KDM5A: variants seen among roughly 807,000 people sequenced by gnomAD.
KDM5A encodes the protein lysine demethylase 5A.
KDM5A carries 42 observed loss-of-function variants against 193.5 expected under a neutral mutation model. The observed-to-expected ratio is 0.22, with a 90% CI of 0.17 to 0.28. The LOEUF (loss-of-function observed/expected upper bound fraction) is 0.28, where lower values mean the gene tolerates loss of function less well. Among genes scored for constraint, KDM5A ranks in the 10% least tolerant of loss-of-function variants. KDM5A has a pLI of 1.00. For missense variants in KDM5A, 1,692 were observed against 2,055.1 expected (o/e 0.82, Z 3.42); for synonymous variants, 796 against 718.1 (o/e 1.11, Z -1.73).
intron 14 of KDM5A, among the ~76,000 whole-genome samples, chr12:325,886 C>T (rs1169055476): frequency 6.6e-6 from 1 of 152,080 alleles, no homozygotes; most frequent in African/African-American, 2.4e-5. Flanking sequence ...AGGTGGTGAA[C>T]GCCTGTAATC....
intron 3 of KDM5A, among the ~76,000 whole-genome samples, chr12:383,625 G>A (rs1944603242): frequency 6.6e-6 from 1 of 152,066 alleles, no homozygotes; most frequent in African/African-American, 2.4e-5. Context: ...TTTGCATATT[G>A]TATATCACAG....
At chr12:365,792 A>G (rs1944349716) in intron 4 of KDM5A, 142 bp downstream of exon 4, 1 of 673,606 alleles carries the variant, frequency 1.5e-6, no homozygotes, top group African/African-American at 1.8e-5. Flanking sequence ...ACCATCAAAA[A>G]CAGCTATGAT....
In KDM5A at chr12:381,257, G is replaced by C. The variant is rs550671602; in HGVS notation, c.366+2774C>G. ...GATCCTCCTGCCTCAGCCTCCCAAA[G>C]TGCTGGGATTACAGGCATGAGCCAC... On this transcript the variant is annotated intron_variant, in intron 3 of 27. Coordinates refer to ENST00000399788, the MANE Select transcript of KDM5A (RefSeq NM_001042603.3). 2.0e-5 allele frequency among the ~76,000 whole-genome samples: 3 copies of C among 151,920 alleles called. No individual in the cohort carries two copies. In the South Asian group the frequency reaches 6.2e-4, roughly 32 times the overall value.
intron 7 of KDM5A, among the ~76,000 whole-genome samples, chr12:354,595 G>A (rs1230815318): frequency 1.3e-5 from 2 of 151,934 alleles, no homozygotes; most frequent in African/African-American, 4.8e-5. Flanking sequence ...GTGAAACCCC[G>A]TCTCTACTAA....
At chr12:323,912 C>A in intron 14 of KDM5A, 131 bp from the exon 15 acceptor site, 1 of 748,270 alleles carries the variant, frequency 1.3e-6, no homozygotes, top group Middle Eastern at 3.1e-4. Flanking sequence ...TACAATGGCA[C>A]AACATCAAAA....
chr12:339,093 G>T (rs528176239), intron 10 of KDM5A, among the ~76,000 whole-genome samples: 1 of 150,918 alleles, frequency 6.6e-6, no homozygotes, highest in South Asian at 2.1e-4. Context: ...CAGGAGAAAC[G>T]CCTGAACCCG....
chr12:367,805 C>T (rs141029536), intron 3 of KDM5A, among the ~76,000 whole-genome samples: 25 of 151,490 alleles, frequency 1.7e-4, no homozygotes, highest in African/African-American at 5.6e-4. Context: ...AAGGCTGCAG[C>T]GAGCCATGAT....
At chr12:334,878 T>C (rs189183828) in intron 10 of KDM5A, among the ~76,000 whole-genome samples, 1 of 152,116 alleles carries the variant, frequency 6.6e-6, no homozygotes, top group Admixed American at 6.6e-5. Flanking sequence ...ATGCAGAAAG[T>C]CACCGCCATC....
chr12:320,669 C>T (rs1223084502), intron 18 of KDM5A, among the ~76,000 whole-genome samples: 1 of 152,012 alleles, frequency 6.6e-6, no homozygotes, highest in Non-Finnish European at 1.5e-5. Flanking sequence ...TAAAAGCTCA[C>T]GTATTATTAA....
chr12:335,531 G>A (rs1001401), intron 10 of KDM5A, among the ~76,000 whole-genome samples: 5,991 of 152,190 alleles, frequency 0.039, 380 homozygotes, highest in African/African-American at 0.13. Context: ...AACTGAATGT[G>A]GATGTCAGGA....
intron 10 of KDM5A, among the ~76,000 whole-genome samples, chr12:340,463 A>G (rs1476156151): frequency 6.6e-6 from 1 of 152,142 alleles, no homozygotes; most frequent in African/African-American, 2.4e-5. Context: ...TGGGAGGCCA[A>G]GGCGGGCAAA....
intron 10 of KDM5A, among the ~76,000 whole-genome samples, chr12:348,547 G>T (rs985058093): frequency 6.6e-6 from 1 of 152,132 alleles, no homozygotes; most frequent in Non-Finnish European, 1.5e-5. Context: ...TTAAGAAAAC[G>T]TGGCACATAT....
At chr12:294,599 T>C (rs186717683) in intron 26 of KDM5A, among the ~76,000 whole-genome samples, 1 of 152,316 alleles carries the variant, frequency 6.6e-6, no homozygotes, top group Admixed American at 6.5e-5. Context: ...GCTACCTAGA[T>C]CTGACTTTCA....
chr12:389,031 C>A lies in KDM5A; in HGVS notation c.61G>T (p.Val21Phe), dbSNP rs1277042733. 6.3e-7 allele frequency: 1 copy of A among 1,583,140 alleles called. No individual in the cohort carries two copies. Among genetic ancestry groups the A allele is most frequent in the Admixed American group, 1.7e-5 (1 of 58,608 alleles). The change falls in exon 1 of 28, where the codon GTC becomes TTC. Residue 21 changes from valine (V) to phenylalanine (F), a missense_variant. Around this residue, in one of 11 missense-constraint regions of KDM5A, gnomAD observed 84 missense variants for 68.2 expected, o/e 1.23. Coordinates refer to ENST00000399788, the MANE Select transcript of KDM5A (RefSeq NM_001042603.3). ...AEFVPPPECPVFEPSWEEFTD... is the reference protein window; with the variant it reads ...AEFVPPPECPFFEPSWEEFTD... ...AACTCCTCCCAACTCGGCTCAAAGA[C>A]GGGGCACTCTGGCGGTGGCACGAAC...
intron 4 of KDM5A, among the ~76,000 whole-genome samples, chr12:363,835 T>C (rs1356408703): frequency 6.6e-6 from 1 of 151,816 alleles, no homozygotes; most frequent in African/African-American, 2.4e-5. Context: ...TAGGAGAAAA[T>C]ATCTGCAAAT....
intron 22 of KDM5A, among the ~76,000 whole-genome samples, chr12:309,100 A>G (rs1943549850): frequency 6.6e-6 from 1 of 152,232 alleles, no homozygotes; most frequent in African/African-American, 2.4e-5. Context: ...AAAGAAGTTC[A>G]TTTTATTACT....
At chr12:351,212 C>T (rs1479066195) in intron 9 of KDM5A, among the ~76,000 whole-genome samples, 3 of 152,050 alleles carry the variant, frequency 2.0e-5, no homozygotes, top group Non-Finnish European at 4.4e-5. Flanking sequence ...CTCCCCTAGC[C>T]CCCTACTCCC....
chr12:371,465 T>C (rs1431549648), intron 3 of KDM5A, among the ~76,000 whole-genome samples: 2 of 89,354 alleles, frequency 2.2e-5, no homozygotes, highest in East Asian at 2.4e-4. Context: ...GGGTTGTTTT[T>C]TTCTCGTAAA....
chr12:290,253 CA>C (rs1464216461), intron 27 of KDM5A, among the ~76,000 whole-genome samples: 2 of 152,208 alleles, frequency 1.3e-5, no homozygotes, highest in Admixed American at 1.3e-4. Flanking sequence ...TTTTATTTAG[CA>C]AAATCAATGT....
Sources: gnomAD v4.1 joint callset for allele counts (sites outside exome capture counted in the v4.1 genomes callset) on GRCh38, gnomAD v4.1.1 for gene constraint, gnomAD v4.1.1 regional missense constraint, MANE v1.5 for transcripts, NCBI Gene and HGNC (gene_info 2026-07-23, HGNC 2026-07-21) for gene names.